The following RABGAP1 variants were observed in gnomAD, a reference collection of about 807,000 sequenced individuals.
The protein encoded by RABGAP1 is RAB GTPase activating protein 1, also known as rab GTPase-activating protein 1.
Under a neutral mutation model 137.6 loss-of-function variants are expected in RABGAP1, and 23 were observed. The observed-to-expected ratio is 0.17, with a 90% CI of 0.12 to 0.24. RABGAP1 has a LOEUF of 0.24. RABGAP1 is among the 10% of genes least tolerant of loss of function. The probability of loss-of-function intolerance (pLI) is 1.00; values close to 1 mark genes in which losing one functional copy is unlikely to be tolerated. For synonymous variants in RABGAP1, 451 were observed against 450.7 expected (o/e 1.00, Z -0.01); for missense variants, 906 against 1,275.8 (o/e 0.71, Z 4.42).
At chr9:122,940,645 A>C (rs2131557238), upstream of RABGAP1, among the ~76,000 whole-genome samples, 1 of 152,316 alleles carries the variant, frequency 6.6e-6, no homozygotes, top group East Asian at 1.9e-4. Flanking sequence ...ATGAAAGGTG[A>C]GCAGGGGGAT....
At chr9:122,943,405 C>T (rs1262562541) in intron 1 of RABGAP1, among the ~76,000 whole-genome samples, 6 of 152,118 alleles carry the variant, frequency 3.9e-5, no homozygotes, top group Non-Finnish European at 8.8e-5. Flanking sequence ...ATTCAGTTTA[C>T]AGTTAACGCA....
chr9:123,014,034 A>G (rs1037674951), intron 11 of RABGAP1, among the ~76,000 whole-genome samples: 7 of 152,244 alleles, frequency 4.6e-5, no homozygotes, highest in South Asian at 2.1e-4. Context: ...ATTCTTAAAA[A>G]TATGCATTCT....
At chr9:122,941,824 C>A (rs1196413693) in intron 1 of RABGAP1, among the ~76,000 whole-genome samples, 1 of 152,274 alleles carries the variant, frequency 6.6e-6, no homozygotes, top group African/African-American at 2.4e-5. Flanking sequence ...CTCTGCTCTT[C>A]TGCATCCAGA....
intron 6 of RABGAP1, among the ~76,000 whole-genome samples, chr9:122,994,051 G>A (rs923142752): frequency 2.6e-5 from 4 of 152,132 alleles, no homozygotes; most frequent in African/African-American, 9.7e-5. Context: ...GAGATAAATT[G>A]GGTAGTTTAT....
intron 1 of RABGAP1, among the ~76,000 whole-genome samples, chr9:122,952,435 C>G (rs988214261): frequency 1.3e-5 from 2 of 151,274 alleles, no homozygotes; most frequent in Admixed American, 1.3e-4. Context: ...ATTTTTTTTT[C>G]TTTTTTGTAT....
intron 2 of RABGAP1, among the ~76,000 whole-genome samples, chr9:122,974,166 A>G (rs1056375335): frequency 4.6e-5 from 7 of 152,280 alleles, no homozygotes; most frequent in East Asian, 3.8e-4. Context: ...TCATGATACA[A>G]TTCATCATGT....
intron 20 of RABGAP1, 55 bp downstream of exon 20, chr9:123,089,905 A>G (rs1049028402): frequency 2.7e-6 from 4 of 1,456,534 alleles, no homozygotes; most frequent in Middle Eastern, 3.5e-4. Flanking sequence ...ATTTCATATG[A>G]TTGCGCCTGT....
intron 13 of RABGAP1, among the ~76,000 whole-genome samples, chr9:123,049,452 T>A (rs2033363203): frequency 6.6e-6 from 1 of 152,190 alleles, no homozygotes; most frequent in African/African-American, 2.4e-5. Context: ...CTAGATGGAT[T>A]TTTGCTTCTG....
intron 13 of RABGAP1, chr9:123,035,638 C>A: frequency 8.6e-7 from 1 of 1,159,200 alleles, no homozygotes; most frequent in Non-Finnish European, 1.2e-6. Flanking sequence ...TACGGGGTTC[C>A]CGTGTGTGTG....
chr9:123,037,168 T>G (rs1187497824), intron 13 of RABGAP1, among the ~76,000 whole-genome samples: 1 of 152,184 alleles, frequency 6.6e-6, no homozygotes, highest in Non-Finnish European at 1.5e-5. Flanking sequence ...AAAGTGGATT[T>G]CTGAATCCAA....
the RABGAP1 span, among the ~76,000 whole-genome samples, chr9:122,934,238 C>A: frequency 6.6e-6 from 1 of 151,498 alleles, no homozygotes; most frequent in Non-Finnish European, 1.5e-5. Flanking sequence ...CCACCACACC[C>A]GGCTAATTTT....
intron 13 of RABGAP1, among the ~76,000 whole-genome samples, chr9:123,024,671 C>T (rs550342116): frequency 6.6e-6 from 1 of 152,240 alleles, no homozygotes; most frequent in East Asian, 1.9e-4. Flanking sequence ...AACTCCCGAC[C>T]TCGTGATCCT....
At position 122,980,294 on chromosome 9, in the gene RABGAP1, C is replaced by G. The variant is rs114103203; in HGVS notation, c.151-4191C>G. Among the ~76,000 whole-genome samples the G allele has an allele frequency of 7.6e-3, 1,154 of 152,262 alleles. 23 individuals are homozygous for G. Among genetic ancestry groups the G allele is most frequent in the African/African-American group, 0.027 (1,112 of 41,536 alleles). On this transcript the variant is annotated intron_variant, in intron 2 of 25. Transcript: ENST00000373647. ...TATCCACTCATTCATTTTTGGCTCA[C>G]TGACTCTTTTTTAAGACAAGGGGTC...
At chr9:122,949,634 G>A (rs898371454) in intron 1 of RABGAP1, among the ~76,000 whole-genome samples, 3 of 148,294 alleles carry the variant, frequency 2.0e-5, no homozygotes, top group African/African-American at 7.5e-5. Context: ...GGCAGAGGTT[G>A]CAGTGAGCCA....
chr9:122,988,985 G>A (rs1003710303), intron 4 of RABGAP1, among the ~76,000 whole-genome samples: 3 of 150,156 alleles, frequency 2.0e-5, no homozygotes, highest in Non-Finnish European at 3.0e-5. Flanking sequence ...ATGTATTTTG[G>A]TAGTCTAATT....
intron 13 of RABGAP1, among the ~76,000 whole-genome samples, chr9:123,024,541 A>G (rs1226970605): frequency 6.6e-6 from 1 of 151,660 alleles, no homozygotes; most frequent in Admixed American, 6.6e-5. Flanking sequence ...CCGGGTTCAA[A>G]CGATTCTCCT....
At chr9:122,938,019 C>A (rs1833416471), upstream of RABGAP1, 1 of 152,082 alleles carries the variant, frequency 6.6e-6, no homozygotes, top group African/African-American at 2.4e-5. Flanking sequence ...AATTCTAGAC[C>A]TGAAAGATAC....
intron 18 of RABGAP1, 108 bp downstream of exon 18, chr9:123,076,394 T>C (rs1564179355): frequency 7.8e-7 from 1 of 1,284,472 alleles, no homozygotes; most frequent in Non-Finnish European, 1.1e-6. Flanking sequence ...GCATTACCCA[T>C]GACAGTGGAT....
intron 5 of RABGAP1, 179 bp from the exon 6 acceptor site, chr9:122,989,877 C>T (rs41313863): frequency 0.027 from 17,243 of 637,134 alleles, 285 homozygotes; most frequent in Non-Finnish European, 0.032. Flanking sequence ...TTTAAAACCC[C>T]TTGTCTGGAC....
Sources: allele counts gnomAD v4.1 joint callset (sites outside exome capture counted in the v4.1 genomes callset), GRCh38; gene constraint gnomAD v4.1.1; transcripts MANE v1.5; gene names NCBI Gene and HGNC (gene_info 2026-07-23, HGNC 2026-07-21).